C2: variants seen among roughly 807,000 people sequenced by gnomAD.
C2 encodes complement C2.
Under a neutral mutation model 85.2 loss-of-function variants are expected in C2, and 64 were observed. The ratio of observed to expected loss-of-function variants is 0.75; its 90% confidence interval spans 0.61 to 0.92. The LOEUF is 0.92. Among genes scored for constraint, C2 ranks in the 40% least tolerant of loss-of-function variants. The pLI, the probability that C2 is intolerant of heterozygous loss-of-function variation, is 0.00. For synonymous variants in C2, 311 were observed against 370.8 expected, an observed-to-expected ratio of 0.84 and a Z score of 1.85; for missense variants, 820 against 971.6, an observed-to-expected ratio of 0.84 and a Z score of 2.07.
chr6:31,902,450 C>T (rs775843675), intron 1 of C2, among the ~76,000 whole-genome samples: 55 of 152,128 alleles, frequency 3.6e-4, no homozygotes, highest in Admixed American at 6.5e-4. Context: ...CCACCTGCTC[C>T]CAGGGGTGGT....
At chr6:31,898,972 G>C (rs1766942442), upstream of C2, among the ~76,000 whole-genome samples, 1 of 152,058 alleles carries the variant, frequency 6.6e-6, no homozygotes, top group Non-Finnish European at 1.5e-5. Flanking sequence ...CAAGGGATAT[G>C]CAGAGTTGTG....
At chr6:31,897,940 T>C (rs1344951872), upstream of C2, 25 of 1,046,602 alleles carry the variant, frequency 2.4e-5, no homozygotes, top group Non-Finnish European at 2.9e-5. Flanking sequence ...CATCTGGTTT[T>C]AGGTAACAAG....
chr6:31,928,608 T>A, intron 2 of C2, 124 bp from the exon 3 acceptor site: 1 of 927,260 alleles, frequency 1.1e-6, no homozygotes, highest in Non-Finnish European at 1.7e-6. Flanking sequence ...CAACCTAATA[T>A]TTCAGTGTTT....
At chr6:31,933,807 G>C in intron 4 of C2, 24 bp downstream of exon 4, 1 of 1,613,782 alleles carries the variant, frequency 6.2e-7, no homozygotes, top group East Asian at 2.2e-5. Flanking sequence ...CTGCCCTCCT[G>C]AGATTCCTCG....
rs1771045863 is a variant in C2, at chr6:31,943,310, C to G, written c.1446C>G (p.Val482=). The change falls in exon 11 of 18, where the codon GTC becomes GTG. Residue 482 remains valine (V), a synonymous_variant. Transcript: ENST00000299367. This position sits in a 1 kb window ranked among gnomAD's most constrained non-coding sequence, Gnocchi z 6.4. The part of the protein sequence containing the change: ...ASDQERTPWH[V]TIKPKSQETC... ...ACCAGGAGAGGACACCCTGGCATGT[C>G]ACTATTAAGGTACCAGGAAGGAGGG... 1 of 1,612,648 alleles carries G rather than the reference C, an allele frequency of 6.2e-7. No individual in the cohort carries two copies.
chr6:31,944,193 C>T lies in C2; in HGVS notation c.1869C>T (p.Ser623=). The T allele has an allele frequency of 1.2e-6, 2 of 1,612,340 alleles. No individual in the cohort carries two copies. The highest frequency in any genetic ancestry group is 8.5e-7 in the Non-Finnish European group (1 of 1,179,400). The change falls in exon 15 of 18, where the codon AGC becomes AGT. Residue 623 remains serine (S), a synonymous_variant. Transcript: ENST00000299367. The surrounding 1 kb of genome is among the most constrained non-coding windows in gnomAD (Gnocchi z 5.1). ...CTCATTTTGTCGCCTTGAATGGGAGCAAACTGAACATTAACCTTAAGATGG... is the reference window on the plus strand; with the variant it reads ...CTCATTTTGTCGCCTTGAATGGGAGTAAACTGAACATTAACCTTAAGATGG... The part of the protein sequence containing the change: ...VPAHFVALNG[S]KLNINLKMGV...
upstream of C2, chr6:31,927,516 A>G: frequency 6.9e-7 from 1 of 1,442,008 alleles, no homozygotes; most frequent in Non-Finnish European, 9.1e-7. The surrounding 1 kb of genome is among the most constrained non-coding windows in gnomAD (Gnocchi z 4.7). Context: ...GGGGAGATCT[A>G]TTGACCCTAT....
Position 31,939,316 on chromosome 6 carries a change from T to A in C2, c.1215T>A (p.Tyr405Ter). ...ACATCAACCAGAAGAGGAATGACTA[T>A]CTGGGTGAGCCCCTGCCACTGCCAC... ...ILNINQKRNDYLDIYAIGVGK... is the reference protein window; with the variant it reads ...ILNINQKRND Residue 405 changes from tyrosine to a stop codon, truncating the protein, a stop_gained, in exon 9 of 18, where the codon TAT becomes TAA. Coordinates refer to ENST00000299367, the MANE Select transcript of C2 (RefSeq NM_000063.6). LOFTEE classifies it high-confidence loss of function. 3.7e-6 allele frequency: 6 copies of A among 1,610,600 alleles called. No individual in the cohort carries two copies. The South Asian group carries it at 5.5e-5, about 15-fold the overall frequency.
chr6:31,919,746 C>T (rs924088725), upstream of C2, among the ~76,000 whole-genome samples: 5 of 152,134 alleles, frequency 3.3e-5, no homozygotes, highest in Non-Finnish European at 7.3e-5. Flanking sequence ...TATCTGGAGA[C>T]ATTCAGCTCT....
chr6:31,919,168 GA>G (rs1379027221), upstream of C2, among the ~76,000 whole-genome samples: 1 of 148,486 alleles, frequency 6.7e-6, no homozygotes, highest in Non-Finnish European at 1.5e-5. Flanking sequence ...TCTGGAGACG[GA>G]GTTTTGTTCT....
upstream of C2, chr6:31,927,498 A>G: frequency 7.0e-7 from 1 of 1,429,764 alleles, no homozygotes; most frequent in African/African-American, 1.4e-5. This position sits in a 1 kb window ranked among gnomAD's most constrained non-coding sequence, Gnocchi z 4.7. Context: ...CAGTACACAA[A>G]GCCTGTGGGG....
chr6:31,939,635 T>C (rs542016762), intron 9 of C2, among the ~76,000 whole-genome samples: 2 of 151,384 alleles, frequency 1.3e-5, no homozygotes, highest in East Asian at 3.9e-4. Flanking sequence ...CATGCCACCA[T>C]GAAGTGCAGT....
chr6:31,942,229 G>A (rs1770947391), intron 9 of C2, among the ~76,000 whole-genome samples: 1 of 149,254 alleles, frequency 6.7e-6, no homozygotes, highest in Non-Finnish European at 1.5e-5. Context: ...TTACAGGTGT[G>A]AGCCACCACG....
rs1417196066 is a variant in C2, at chr6:31,944,562, G to A, written c.1903-165G>A. Among the ~76,000 whole-genome samples, 1 of 152,152 alleles carries A rather than the reference G, an allele frequency of 6.6e-6. No individual in the cohort carries two copies. Among genetic ancestry groups the A allele is most frequent in the Non-Finnish European group, 1.5e-5 (1 of 68,022 alleles). On this transcript the variant is annotated intron_variant, in intron 15 of 17. Transcript: ENST00000299367. This position sits in a 1 kb window ranked among gnomAD's most constrained non-coding sequence, Gnocchi z 5.1. ...ACACCAGCTAATTTTTGTATTTTTA[G>A]TAGAGACGGGATTTCGCCATGTTGG...
Position 31,920,247 on chromosome 6 carries a change from G to A in C2, c.-100+221G>A, listed in dbSNP as rs1465536468. Reference sequence around the variant, plus strand: ...GGGCAAGTTCCCTCTTCACCCCTTGGCAGCACTGGAGGAGTGAGGGCAGGA... The same window carrying A: ...GGGCAAGTTCCCTCTTCACCCCTTGACAGCACTGGAGGAGTGAGGGCAGGA... On this transcript the variant is annotated intron_variant, in intron 1 of 3. Coordinates refer to the C2 transcript ENST00000413154. The surrounding 1 kb of genome is among the most constrained non-coding windows in gnomAD (Gnocchi z 5.6). 6.6e-6 allele frequency: 1 copy of A among 152,342 alleles called. No homozygotes were observed. The highest frequency in any genetic ancestry group is 1.5e-5 in the Non-Finnish European group (1 of 68,158). 9.4% of individuals were successfully genotyped at this position (152,342 alleles called of 1,614,324 possible).
Position 31,928,152 on chromosome 6 carries a change from G to A in C2, c.244G>A (p.Ala82Thr). The A allele has an allele frequency of 6.2e-7, 1 of 1,609,554 alleles. No homozygotes were observed. The highest frequency in any genetic ancestry group is 8.5e-7 in the Non-Finnish European group (1 of 1,179,580). ...TPGATRSLSK[A>T]VCKPVRCPAP... Reference sequence around the variant, plus strand: ...AGGAGCCACCCGGTCTCTGTCTAAGGCGGTCTGCAAACGTGAGGCTCCCTG... The same window carrying A: ...AGGAGCCACCCGGTCTCTGTCTAAGACGGTCTGCAAACGTGAGGCTCCCTG... The change falls in exon 2 of 18, where the codon GCG becomes ACG. Residue 82 changes from alanine (A) to threonine (T), a missense_variant. Physicochemically the swap from Ala to Thr is moderately conservative, Grantham distance 58. Transcript: ENST00000299367.
At chr6:31,907,863 T>TTTTTTTTTA (rs1767822477) in intron 1 of C2, among the ~76,000 whole-genome samples, 1 of 146,714 alleles carries the variant, frequency 6.8e-6, no homozygotes, top group African/African-American at 2.5e-5. Context: ...TTTTTTTTTT[T>TTTTTTTTTA]GAGATGGAGT....
chr6:31,928,689 T>C (rs753500358), intron 2 of C2, 43 bp from the exon 3 acceptor site: 2 of 1,599,870 alleles, frequency 1.3e-6, no homozygotes, highest in Non-Finnish European at 1.7e-6. Context: ...CCAGGTGTTA[T>C]CCATCCAGTC....
At chr6:31,903,961 G>T (rs778895771) in intron 1 of C2, among the ~76,000 whole-genome samples, 2 of 151,746 alleles carry the variant, frequency 1.3e-5, no homozygotes, top group Non-Finnish European at 2.9e-5. Flanking sequence ...ACGCACCTAG[G>T]CTTAAAGCCA....
Sources: gnomAD v4.1 joint callset for allele counts (sites outside exome capture counted in the v4.1 genomes callset) on GRCh38, gnomAD v4.1.1 for gene constraint, Gnocchi (gnomAD v3.1) non-coding constraint, MANE v1.5 for transcripts, NCBI Gene and HGNC (gene_info 2026-07-23, HGNC 2026-07-21) for gene names.